BICDL1: variants seen among roughly 807,000 people sequenced by gnomAD.
BICDL1 encodes the protein BICD family-like cargo adapter 1.
Under a neutral mutation model 76.8 loss-of-function variants are expected in BICDL1, and 20 were observed. The observed-to-expected ratio is 0.26, with a 90% confidence interval of 0.18 to 0.38. The LOEUF is 0.38. BICDL1 is among the 10% of genes least tolerant of loss of function. BICDL1 has a pLI of 1.00. For missense variants in BICDL1, 700 were observed against 798.6 expected, an observed-to-expected ratio of 0.88 and a Z score of 1.49; for synonymous variants, 383 against 337.1, an observed-to-expected ratio of 1.14 and a Z score of -1.49.
intron 1 of BICDL1, among the ~76,000 whole-genome samples, chr12:119,991,599 G>C (rs536217156): frequency 2.6e-5 from 4 of 152,100 alleles, no homozygotes; most frequent in South Asian, 4.1e-4. Context: ...TAGAGGTCTA[G>C]AAATAAAAAG....
chr12:120,063,117 C>A (rs769449347), intron 3 of BICDL1, among the ~76,000 whole-genome samples: 1 of 152,066 alleles, frequency 6.6e-6, no homozygotes, highest in Non-Finnish European at 1.5e-5. Flanking sequence ...TTTTTAGGGT[C>A]AGTTGTGTAT....
intron 2 of BICDL1, among the ~76,000 whole-genome samples, chr12:120,020,221 T>G (rs543884190): frequency 6.6e-6 from 1 of 152,296 alleles, no homozygotes; most frequent in Non-Finnish European, 1.5e-5. Flanking sequence ...AAGAACACTA[T>G]TAAAATCTAA....
chr12:119,989,627 C>G lies in BICDL1; in HGVS notation c.-242C>G, dbSNP rs1178825915. 6.7e-6 allele frequency among the ~76,000 whole-genome samples: 1 copy of G among 149,458 alleles called. No homozygotes were observed. Among genetic ancestry groups the G allele is most frequent in the African/African-American group, 2.4e-5 (1 of 41,050 alleles). ...ACCACCTACTCCGCCACTACCCCCACCCCCTCCTCCCGCGCGCGCCTGAGC... is the reference window on the plus strand; with the variant it reads ...ACCACCTACTCCGCCACTACCCCCAGCCCCTCCTCCCGCGCGCGCCTGAGC... On this transcript the variant is annotated 5_prime_UTR_variant, in exon 1 of 10. Transcript: ENST00000548673.
At chr12:120,082,345 T>C (rs1346908685) in intron 8 of BICDL1, among the ~76,000 whole-genome samples, 2 of 151,608 alleles carry the variant, frequency 1.3e-5, no homozygotes, top group African/African-American at 4.9e-5. Flanking sequence ...CTCCCCATCA[T>C]GGTCTTGAGC....
chr12:120,092,764 C>G (rs946533863), intron 9 of BICDL1: 68 of 985,354 alleles, frequency 6.9e-5, no homozygotes, highest in Non-Finnish European at 8.1e-5. Context: ...AGGAGTAACA[C>G]TGTTGAGGAG....
chr12:120,019,183 C>A (rs1484242786), intron 2 of BICDL1: 1 of 151,796 alleles, frequency 6.6e-6, no homozygotes, highest in South Asian at 2.1e-4. Context: ...TCAAAACTTG[C>A]GTGCTGATTA....
intron 2 of BICDL1, among the ~76,000 whole-genome samples, chr12:120,005,889 T>C (rs1435402748): frequency 6.6e-6 from 1 of 152,232 alleles, no homozygotes; most frequent in Non-Finnish European, 1.5e-5. Context: ...TCCTTGTTCA[T>C]ACATTTTTGC....
intron 2 of BICDL1, among the ~76,000 whole-genome samples, chr12:120,030,409 G>A (rs947075674): frequency 6.6e-6 from 1 of 152,096 alleles, no homozygotes; most frequent in African/African-American, 2.4e-5. Context: ...TGAAGAGATG[G>A]GTGTATTTTG....
intron 2 of BICDL1, among the ~76,000 whole-genome samples, chr12:120,030,655 G>A (rs1464905362): frequency 6.6e-6 from 1 of 152,148 alleles, no homozygotes. Flanking sequence ...TGGAACCCTG[G>A]GCTTCAGGTT....
At chr12:119,995,708 C>T (rs1031723824) in intron 1 of BICDL1, among the ~76,000 whole-genome samples, 10 of 152,166 alleles carry the variant, frequency 6.6e-5, no homozygotes, top group Non-Finnish European at 1.3e-4. Flanking sequence ...ATTCTCTGGC[C>T]GGGCACGGTG....
chr12:120,077,607 G>C (rs1260760455), intron 7 of BICDL1, among the ~76,000 whole-genome samples: 2 of 152,174 alleles, frequency 1.3e-5, no homozygotes, highest in African/African-American at 4.8e-5. Context: ...TCCAGAAGGG[G>C]CATGAACATG....
intron 1 of BICDL1, among the ~76,000 whole-genome samples, chr12:119,995,552 G>A (rs1566200595): frequency 6.6e-6 from 1 of 152,200 alleles, no homozygotes; most frequent in African/African-American, 2.4e-5. Flanking sequence ...CAGTAACACT[G>A]TGATTACTGA....
intron 2 of BICDL1, among the ~76,000 whole-genome samples, chr12:120,000,902 C>G (rs1422795922): frequency 1.3e-5 from 2 of 152,122 alleles, no homozygotes; most frequent in Non-Finnish European, 2.9e-5. Context: ...GGATTTGTTT[C>G]AGTGTTGATG....
intron 2 of BICDL1, among the ~76,000 whole-genome samples, chr12:120,018,365 A>C (rs919169797): frequency 7.9e-5 from 12 of 152,236 alleles, no homozygotes; most frequent in Non-Finnish European, 5.9e-5. Flanking sequence ...AAATTGAACA[A>C]AATGGACTCT....
chr12:120,072,228 C>G (rs1407763195), intron 5 of BICDL1, among the ~76,000 whole-genome samples: 1 of 152,150 alleles, frequency 6.6e-6, no homozygotes, highest in Non-Finnish European at 1.5e-5. Flanking sequence ...TTTTCTGACT[C>G]CCACCAAAAT....
intron 2 of BICDL1, among the ~76,000 whole-genome samples, chr12:120,003,041 C>T (rs1236660136): frequency 1.3e-5 from 2 of 152,044 alleles, no homozygotes; most frequent in Non-Finnish European, 2.9e-5. Context: ...CCTGTAATCT[C>T]CAGCTACCGG....
intron 2 of BICDL1, among the ~76,000 whole-genome samples, chr12:120,042,804 CAAAAA>C (rs538558620): frequency 8.3e-6 from 1 of 120,694 alleles, no homozygotes; most frequent in African/African-American, 3.1e-5. Context: ...GACTCCCCCT[CAAAAA>C]AAAAAAAAAA....
chr12:120,015,867 A>G (rs892975111), intron 2 of BICDL1, among the ~76,000 whole-genome samples: 2 of 152,206 alleles, frequency 1.3e-5, no homozygotes, highest in Non-Finnish European at 2.9e-5. Flanking sequence ...AACCTAATCC[A>G]ATGACCTTCT....
chr12:120,052,991 G>A (rs566821493), intron 2 of BICDL1, among the ~76,000 whole-genome samples: 1 of 152,286 alleles, frequency 6.6e-6, no homozygotes, highest in East Asian at 1.9e-4. Context: ...TGTTGGCCAG[G>A]CTGGTCTCAA....
Sources: allele counts gnomAD v4.1 joint callset (sites outside exome capture counted in the v4.1 genomes callset), GRCh38; gene constraint gnomAD v4.1.1; transcripts MANE v1.5; gene names NCBI Gene and HGNC (gene_info 2026-07-23, HGNC 2026-07-21).